Variants in PDS5A observed in about 807,000 individuals in gnomAD.
PDS5A encodes PDS5 cohesin associated factor A, also known as sister chromatid cohesion protein PDS5 homolog A.
Under a neutral mutation model 167.1 loss-of-function variants are expected in PDS5A, and 42 were observed. The ratio of observed to expected loss-of-function variants is 0.25; its 90% confidence interval spans 0.20 to 0.33. PDS5A has a LOEUF of 0.33. PDS5A is among the 10% of genes least tolerant of loss of function. The probability of loss-of-function intolerance (pLI) is 1.00; values close to 1 mark genes in which losing one functional copy is unlikely to be tolerated. For synonymous variants in PDS5A, 553 were observed against 554.6 expected, an observed-to-expected ratio of 1.00 and a Z score of 0.04; for missense variants, 1,033 against 1,605.9, an observed-to-expected ratio of 0.64 and a Z score of 6.10.
chr4:39,953,426 T>TG (rs1423944873), intron 2 of PDS5A, among the ~76,000 whole-genome samples: 2 of 151,856 alleles, frequency 1.3e-5, no homozygotes, highest in East Asian at 1.9e-4. Context: ...GAATCAGTTT[T>TG]TTTTTTTTTT....
In PDS5A at chr4:39,977,523, C is replaced by G. The variant is rs1731235713; in HGVS notation, c.-107G>C. 6.3e-6 allele frequency: 1 copy of G among 158,242 alleles called. No homozygotes were observed. The highest frequency in any genetic ancestry group is 1.4e-5 in the Non-Finnish European group (1 of 72,930). 9.8% of individuals were successfully genotyped at this position (158,242 alleles called of 1,614,324 possible). A position where few individuals can be genotyped will look rare whatever the true frequency, so the allele number is the denominator to read the frequency against. ...CTCTGTCAGGTGGTTGCGCCGCCGCCCCTAGTCGGGCTGCACACAAAGCGG... is the reference window on the plus strand; with the variant it reads ...CTCTGTCAGGTGGTTGCGCCGCCGCGCCTAGTCGGGCTGCACACAAAGCGG... On this transcript the variant is annotated 5_prime_UTR_variant, in exon 1 of 33. Coordinates refer to ENST00000303538, the MANE Select transcript of PDS5A (RefSeq NM_001100399.2). This position sits in a 1 kb window ranked among gnomAD's most constrained non-coding sequence, Gnocchi z 4.2.
intron 32 of PDS5A, among the ~76,000 whole-genome samples, chr4:39,832,287 C>T (rs1015469576): frequency 6.6e-6 from 1 of 151,266 alleles, no homozygotes; most frequent in Admixed American, 6.6e-5. Context: ...GATCTCTGCT[C>T]ACTGCAAGCT....
intron 16 of PDS5A, among the ~76,000 whole-genome samples, chr4:39,895,934 C>T (rs1230077402): frequency 6.6e-6 from 1 of 151,542 alleles, no homozygotes; most frequent in Non-Finnish European, 1.5e-5. Flanking sequence ...CCGTGTTAGC[C>T]AGGATGGTCT....
At chr4:39,858,385 T>C (rs999872515) in intron 26 of PDS5A, among the ~76,000 whole-genome samples, 2 of 152,206 alleles carry the variant, frequency 1.3e-5, no homozygotes, top group Non-Finnish European at 2.9e-5. Context: ...TTAAATAGGA[T>C]TGAGAGCCCA....
intron 28 of PDS5A, 99 bp downstream of exon 28, chr4:39,848,752 T>C: frequency 9.3e-7 from 1 of 1,077,940 alleles, no homozygotes. Flanking sequence ...TTTTCTTTAC[T>C]CTGTGGTCAA....
intron 32 of PDS5A, among the ~76,000 whole-genome samples, chr4:39,829,950 CAAAAAAAAAAAAAAAAAAAAA>C (rs1158287221): frequency 8.9e-5 from 6 of 67,304 alleles, no homozygotes; most frequent in African/African-American, 3.4e-4. Context: ...GACTCCAACT[CAAAAAAAAAAAAAAAAAAAAA>C]AAAAAAAAAA....
chr4:39,907,527 G>A (rs891563545), intron 11 of PDS5A, among the ~76,000 whole-genome samples: 1 of 151,672 alleles, frequency 6.6e-6, no homozygotes, highest in Non-Finnish European at 1.5e-5. Context: ...TACACCTGAC[G>A]CTATTCATTA....
chr4:39,970,458 G>T, intron 2 of PDS5A, among the ~76,000 whole-genome samples: 1 of 143,586 alleles, frequency 7.0e-6, no homozygotes. Flanking sequence ...AAAAAAAAAA[G>T]CTGTCCTTTT....
In PDS5A at chr4:39,940,073, C is replaced by G. The variant is rs573099845; in HGVS notation, c.139-11909G>C. ...AGGAGTTTAAGATGGGCCTGGCTAA[C>G]ATGGCAAAACCCCATCTCTACTAAA... On this transcript the variant is annotated intron_variant, in intron 2 of 32. Transcript: ENST00000303538. Among the ~76,000 whole-genome samples, 6 of 152,206 alleles carry G rather than the reference C, an allele frequency of 3.9e-5. No homozygotes were observed. The South Asian group carries it at 1.2e-3, about 32-fold the overall frequency.
At position 39,846,019 on chromosome 4, in the gene PDS5A, TCAAA is replaced by T. The variant is rs535308273; in HGVS notation, c.3340-143_3340-140del. The T allele has an allele frequency of 1.1e-4, 77 of 718,644 alleles. No individual in the cohort carries two copies. The East Asian group carries it at 2.5e-3, about 23-fold the overall frequency. 44.5% of individuals were successfully genotyped at this position (718,644 alleles called of 1,614,324 possible). A position where few individuals can be genotyped will look rare whatever the true frequency, so the allele number is the denominator to read the frequency against. On this transcript the variant is annotated intron_variant, in intron 28 of 32. Transcript: ENST00000303538. Reference sequence around the variant, plus strand: ...TTGTGCTAACACATATACCAATTTATCAAACAATCAAAACAATCAAAGCCATACC... The same window carrying T: ...TTGTGCTAACACATATACCAATTTATCAATCAAAACAATCAAAGCCATACC...
At chr4:39,895,533 G>A (rs1722329324) in intron 16 of PDS5A, among the ~76,000 whole-genome samples, 1 of 152,232 alleles carries the variant, frequency 6.6e-6, no homozygotes, top group Non-Finnish European at 1.5e-5. Context: ...GTTGATCTGG[G>A]TAAGTCAGTG....
At chr4:39,934,852 G>A (rs989913010) in intron 2 of PDS5A, among the ~76,000 whole-genome samples, 6 of 151,568 alleles carry the variant, frequency 4.0e-5, no homozygotes, top group Non-Finnish European at 8.8e-5. Flanking sequence ...CGTTTTCTTG[G>A]TGACGTGCCT....
At chr4:39,962,679 C>T (rs1163797861) in intron 2 of PDS5A, among the ~76,000 whole-genome samples, 3 of 151,928 alleles carry the variant, frequency 2.0e-5, no homozygotes, top group Non-Finnish European at 4.4e-5. Context: ...TGACACAAGC[C>T]TGTAATCCCA....
rs145197755 is a variant in PDS5A, at chr4:39,922,344, CT to C, written c.654+277del. Among the ~76,000 whole-genome samples, 705 of 152,276 alleles carry C rather than the reference CT, an allele frequency of 4.6e-3. 8 individuals are homozygous for C. Among genetic ancestry groups the C allele is most frequent in the African/African-American group, 0.016 (663 of 41,556 alleles). ...CAAAGTTAACCAAAAGGCAACACCC[CT>C]AACCCCTTACAATTCTCAGATTATT... On this transcript the variant is annotated intron_variant, in intron 6 of 32. Transcript: ENST00000303538.
At chr4:39,862,646 A>G (rs1380758899) in intron 25 of PDS5A, among the ~76,000 whole-genome samples, 1 of 152,040 alleles carries the variant, frequency 6.6e-6, no homozygotes, top group African/African-American at 2.4e-5. Context: ...ATTAAACTAC[A>G]CTCCTGATCC....
chr4:39,958,250 T>C (rs1019020109), intron 2 of PDS5A, among the ~76,000 whole-genome samples: 3 of 151,986 alleles, frequency 2.0e-5, no homozygotes, highest in Admixed American at 2.0e-4. Context: ...TTCACACCTG[T>C]AATCCCAGCA....
chr4:39,926,902 T>C (rs745443830), intron 3 of PDS5A, 41 bp from the exon 4 acceptor site: 3 of 1,349,866 alleles, frequency 2.2e-6, no homozygotes, highest in Non-Finnish European at 2.9e-6. Context: ...CACAAATACT[T>C]TTCTTTCACA....
intron 16 of PDS5A, among the ~76,000 whole-genome samples, chr4:39,897,346 G>A (rs938894550): frequency 2.6e-5 from 4 of 152,136 alleles, no homozygotes; most frequent in Non-Finnish European, 5.9e-5. Flanking sequence ...AGTGAGGTGA[G>A]ATAATCACTT....
chr4:39,930,246 A>AAAAAAAAAAAAATTTT, intron 2 of PDS5A, among the ~76,000 whole-genome samples: 2 of 93,086 alleles, frequency 2.1e-5, no homozygotes, highest in Non-Finnish European at 4.5e-5. Flanking sequence ...AAAAAAAAAA[A>AAAAAAAAAAAAATTTT]GTTTTTTTGT....
Sources: gnomAD v4.1 joint callset for allele counts (sites outside exome capture counted in the v4.1 genomes callset) on GRCh38, gnomAD v4.1.1 for gene constraint, Gnocchi (gnomAD v3.1) non-coding constraint, MANE v1.5 for transcripts, NCBI Gene and HGNC (gene_info 2026-07-23, HGNC 2026-07-21) for gene names.